The following PCDHA3 variants were observed in gnomAD, a reference collection of about 807,000 sequenced individuals.
The protein encoded by PCDHA3 is protocadherin alpha-3.
A neutral mutation model predicts 62.2 loss-of-function variants in PCDHA3; 41 were observed. That is an observed-to-expected ratio of 0.66 (90% confidence interval 0.51 to 0.86). PCDHA3 has a LOEUF of 0.86. Ranked by LOEUF, PCDHA3 falls within the 40% of genes least tolerant of loss-of-function variation. The probability of loss-of-function intolerance (pLI) is 0.00; values close to 1 mark genes in which losing one functional copy is unlikely to be tolerated. For missense variants in PCDHA3, 1,304 were observed against 1,241.2 expected (o/e 1.05, Z -0.76); for synonymous variants, 640 against 555.4 (o/e 1.15, Z -2.14).
chr5:140,808,941 T>G (rs1554124905), intron 1 of PCDHA3: 1 of 1,613,526 alleles, frequency 6.2e-7, no homozygotes, highest in South Asian at 1.1e-5. Flanking sequence ...CCATGGTCGG[T>G]GGGTGTGGGC....
At chr5:140,966,505 A>C (rs2096011889) in intron 1 of PCDHA3, 2 of 427,984 alleles carry the variant, frequency 4.7e-6, no homozygotes, top group Non-Finnish European at 8.1e-6. Context: ...CTGTAGCGGC[A>C]GCAGCAGCAG....
intron 1 of PCDHA3, among the ~76,000 whole-genome samples, chr5:140,890,662 C>G (rs75284753): frequency 3.3e-5 from 5 of 152,136 alleles, no homozygotes; most frequent in South Asian, 2.1e-4. Flanking sequence ...CAAAAGTTAA[C>G]TGAAACCCTT....
At chr5:140,822,157 A>C in intron 1 of PCDHA3, 1 of 1,614,258 alleles carries the variant, frequency 6.2e-7, no homozygotes, top group South Asian at 1.1e-5. Flanking sequence ...CATCAATGAC[A>C]ATCCGCCCAG....
rs1395786407 is a variant in PCDHA3 at position 140,803,186 on chromosome 5, C to T, written c.1989C>T (p.Ala663=). ...DHGEPSLTAT[A]TVLVSLVESG... ...GTGAACCCTCATTGACCGCCACGGC[C>T]ACTGTGCTGGTGTCGCTGGTGGAGA... Residue 663 remains alanine (A), a synonymous_variant, in exon 1 of 4, where the codon GCC becomes GCT. Coordinates refer to ENST00000522353, the MANE Select transcript of PCDHA3 (RefSeq NM_018906.3). 5 of 1,613,840 alleles carry T rather than the reference C, an allele frequency of 3.1e-6. No homozygotes were observed. The highest frequency in any genetic ancestry group is 2.7e-5 in the African/African-American group (2 of 74,946).
At chr5:140,857,691 T>C (rs189067845) in intron 1 of PCDHA3, 2 of 1,597,004 alleles carry the variant, frequency 1.3e-6, no homozygotes, top group Non-Finnish European at 1.7e-6. Context: ...GGCAGCAACT[T>C]GACGCTGCAG....
chr5:140,856,168 C>A, intron 1 of PCDHA3: 1 of 1,598,314 alleles, frequency 6.3e-7, no homozygotes, highest in Non-Finnish European at 8.6e-7. Context: ...AGGCCAGACA[C>A]GGCACCTTCG....
intron 1 of PCDHA3, among the ~76,000 whole-genome samples, chr5:140,978,211 A>T (rs185344384): frequency 1.3e-5 from 2 of 152,340 alleles, no homozygotes; most frequent in African/African-American, 4.8e-5. Flanking sequence ...AACTAATGCA[A>T]AATGTATCAG....
At chr5:140,858,847 CTA>C (rs1554152061) in intron 1 of PCDHA3, 1 of 294,410 alleles carries the variant, frequency 3.4e-6, no homozygotes, top group African/African-American at 2.3e-5. Context: ...TTCCACTGAT[CTA>C]TATCTCTTCA....
chr5:140,931,579 A>G (rs1464146269), intron 1 of PCDHA3, among the ~76,000 whole-genome samples: 2 of 152,102 alleles, frequency 1.3e-5, no homozygotes, highest in Non-Finnish European at 2.9e-5. Flanking sequence ...CCATTCATTC[A>G]GTTGAACAGT....
intron 1 of PCDHA3, among the ~76,000 whole-genome samples, chr5:140,895,783 A>G (rs750912902): frequency 2.1e-4 from 32 of 152,122 alleles, no homozygotes; most frequent in Non-Finnish European, 3.8e-4. Context: ...ATAGTATTCA[A>G]TGACGTATAT....
Position 141,009,653 on chromosome 5 carries a change from C to T in PCDHA3, c.2569C>T (p.Pro857Ser). ...ACCAGAGGCAGGAGAAGTGTCCCCTCCAGTCGGTGCGGGTGTCAACAGCAA... is the reference window on the plus strand; with the variant it reads ...ACCAGAGGCAGGAGAAGTGTCCCCTTCAGTCGGTGCGGGTGTCAACAGCAA... The part of the protein sequence containing the change: ...PEPEAGEVSP[P>S]VGAGVNSNSW... The change falls in exon 4 of 4, where the codon CCA becomes TCA. Residue 857 changes from proline (P) to serine (S), a missense_variant. Physicochemically the swap from Pro to Ser is moderately conservative, Grantham distance 74. Transcript: ENST00000522353. 1 of 1,613,998 alleles carries T rather than the reference C, an allele frequency of 6.2e-7. No individual in the cohort carries two copies. The highest frequency in any genetic ancestry group is 8.5e-7 in the Non-Finnish European group (1 of 1,179,950).
intron 1 of PCDHA3, chr5:140,852,541 G>T: frequency 3.7e-6 from 2 of 544,548 alleles, no homozygotes; most frequent in Middle Eastern, 9.4e-4. Context: ...CTCCCAAAGT[G>T]CTGGGATTAA....
intron 1 of PCDHA3, chr5:140,877,965 G>A (rs1049843517): frequency 1.8e-5 from 23 of 1,304,904 alleles, no homozygotes; most frequent in Non-Finnish European, 2.2e-5. Context: ...CATCTTTCTT[G>A]GTCATTCTTA....
rs1763159732 is a variant in PCDHA3 at position 140,803,268 on chromosome 5, G to C, written c.2071G>C (p.Ala691Pro). ...QASAGATGPE[A>P]ALVDVNVYLI... is the part of the protein sequence containing the mutation. ...GTCCGCTGGCGCCACGGGCCCGGAAGCTGCACTGGTGGATGTCAACGTGTA... is the reference window on the plus strand; with the variant it reads ...GTCCGCTGGCGCCACGGGCCCGGAACCTGCACTGGTGGATGTCAACGTGTA... Residue 691 changes from alanine to proline, a missense_variant, in exon 1 of 4, where the codon GCT becomes CCT. Ala to Pro is a conservative substitution (Grantham distance 27). Coordinates refer to ENST00000522353, the MANE Select transcript of PCDHA3 (RefSeq NM_018906.3). 4 of 1,614,012 alleles carry C rather than the reference G, an allele frequency of 2.5e-6. No homozygotes were observed. The highest frequency in any genetic ancestry group is 3.4e-6 in the Non-Finnish European group (4 of 1,179,974).
intron 1 of PCDHA3, among the ~76,000 whole-genome samples, chr5:140,974,301 A>G (rs2096621600): frequency 6.6e-6 from 1 of 152,190 alleles, no homozygotes; most frequent in Non-Finnish European, 1.5e-5. Context: ...AGGAGGTACA[A>G]CTGTGAGTGA....
At chr5:140,950,882 G>C (rs1182849126) in intron 1 of PCDHA3, among the ~76,000 whole-genome samples, 1 of 151,764 alleles carries the variant, frequency 6.6e-6, no homozygotes, top group Non-Finnish European at 1.5e-5. Flanking sequence ...TTGTTCAATA[G>C]GTCTCTGAGA....
intron 1 of PCDHA3, among the ~76,000 whole-genome samples, chr5:140,978,421 T>C (rs969808613): frequency 2.0e-5 from 3 of 152,236 alleles, no homozygotes; most frequent in Non-Finnish European, 4.4e-5. Flanking sequence ...AAAGAGACTG[T>C]TATCAGTTGC....
At chr5:140,952,389 ACT>A (rs2094739055) in intron 1 of PCDHA3, among the ~76,000 whole-genome samples, 2 of 151,722 alleles carry the variant, frequency 1.3e-5, no homozygotes, top group African/African-American at 4.8e-5. Flanking sequence ...GGTACCCTAA[ACT>A]CATCATTCTC....
intron 1 of PCDHA3, among the ~76,000 whole-genome samples, chr5:140,936,452 T>C (rs1447343887): frequency 2.0e-5 from 3 of 152,216 alleles, no homozygotes; most frequent in African/African-American, 7.2e-5. Flanking sequence ...ACCACATCTG[T>C]TTAGTGGTTG....
Sources: allele counts gnomAD v4.1 joint callset (sites outside exome capture counted in the v4.1 genomes callset), GRCh38; gene constraint gnomAD v4.1.1; transcripts MANE v1.5; gene names NCBI Gene and HGNC (gene_info 2026-07-23, HGNC 2026-07-21).